PIP5K1B: variants seen among roughly 807,000 people sequenced by gnomAD.
PIP5K1B encodes the protein phosphatidylinositol-4-phosphate 5-kinase type 1 beta, also known as phosphatidylinositol 4-phosphate 5-kinase type-1 beta.
PIP5K1B carries 42 observed loss-of-function variants against 67.0 expected under a neutral mutation model. That is an observed-to-expected ratio of 0.63 (90% CI 0.49 to 0.81). The LOEUF (loss-of-function observed/expected upper bound fraction) is 0.81, where lower values mean the gene tolerates loss of function less well. PIP5K1B is among the 30% of genes least tolerant of loss of function. The pLI is 0.00. For missense variants in PIP5K1B, 459 were observed against 646.3 expected (o/e 0.71, Z 3.14); for synonymous variants, 214 against 231.4 (o/e 0.92, Z 0.68).
intron 8 of PIP5K1B, among the ~76,000 whole-genome samples, chr9:68,907,738 T>G (rs1381234651): frequency 1.3e-5 from 2 of 152,206 alleles, no homozygotes; most frequent in Admixed American, 1.3e-4. Flanking sequence ...ATTAATTACA[T>G]GTTGTTCAGC....
intron 15 of PIP5K1B, among the ~76,000 whole-genome samples, chr9:68,995,975 A>T (rs951557608): frequency 6.6e-6 from 1 of 152,216 alleles, no homozygotes; most frequent in Non-Finnish European, 1.5e-5. Context: ...GACTTCCTGT[A>T]CAGTGTTGTC....
intron 2 of PIP5K1B, among the ~76,000 whole-genome samples, chr9:68,817,971 G>A (rs74835445): frequency 0.011 from 1,703 of 152,174 alleles, 20 homozygotes; most frequent in East Asian, 0.021. Flanking sequence ...TTTCTTTGAA[G>A]TTGTGTCATC....
intron 1 of PIP5K1B, among the ~76,000 whole-genome samples, chr9:68,719,257 G>A (rs1827772540): frequency 6.6e-6 from 1 of 152,092 alleles, no homozygotes; most frequent in African/African-American, 2.4e-5. Flanking sequence ...TTTCATTTAA[G>A]TTAAACATAG....
At chr9:68,934,621 C>A (rs961935312) in intron 12 of PIP5K1B, among the ~76,000 whole-genome samples, 16 of 149,644 alleles carry the variant, frequency 1.1e-4, no homozygotes, top group Non-Finnish European at 1.8e-4. Context: ...GACTTTATTG[C>A]AAAATCTGGA....
At chr9:68,724,831 C>T (rs1463128678) in intron 1 of PIP5K1B, among the ~76,000 whole-genome samples, 2 of 152,158 alleles carry the variant, frequency 1.3e-5, no homozygotes, top group Admixed American at 6.5e-5. Flanking sequence ...AGTGGAAAGG[C>T]TTTCAATTTT....
At chr9:68,831,765 G>A (rs1178797937) in intron 4 of PIP5K1B, among the ~76,000 whole-genome samples, 1 of 151,858 alleles carries the variant, frequency 6.6e-6, no homozygotes, top group East Asian at 1.9e-4. Context: ...AACCTCCGCT[G>A]CCCGGGTTCA....
chr9:68,903,210 A>G (rs1186805404), intron 8 of PIP5K1B, among the ~76,000 whole-genome samples: 1 of 152,206 alleles, frequency 6.6e-6, no homozygotes, highest in Admixed American at 6.6e-5. Context: ...GTTCTTACAC[A>G]GCATTTCTCT....
At chr9:68,848,892 T>C (rs1355707207) in intron 4 of PIP5K1B, among the ~76,000 whole-genome samples, 1 of 152,158 alleles carries the variant, frequency 6.6e-6, no homozygotes, top group African/African-American at 2.4e-5. Flanking sequence ...AAAAAGAGAA[T>C]CTGTCTCACT....
intron 2 of PIP5K1B, among the ~76,000 whole-genome samples, chr9:68,763,309 G>A (rs535387067): frequency 1.3e-5 from 2 of 152,224 alleles, no homozygotes; most frequent in Non-Finnish European, 2.9e-5. Flanking sequence ...GTGGGCATGT[G>A]AATGAGGCAA....
intron 1 of PIP5K1B, among the ~76,000 whole-genome samples, chr9:68,732,295 T>G (rs1418846425): frequency 1.3e-5 from 2 of 152,206 alleles, no homozygotes. Flanking sequence ...AAACAAAATG[T>G]TGTCAAAAGG....
At chr9:68,910,583 A>T (rs890353418) in intron 8 of PIP5K1B, among the ~76,000 whole-genome samples, 1 of 152,232 alleles carries the variant, frequency 6.6e-6, no homozygotes, top group Admixed American at 6.5e-5. Flanking sequence ...AGCAAAATGC[A>T]CTAAGTCAAA....
chr9:68,959,537 C>T (rs1268090803), intron 14 of PIP5K1B, among the ~76,000 whole-genome samples: 2 of 152,070 alleles, frequency 1.3e-5, no homozygotes, highest in African/African-American at 4.8e-5. Context: ...ACTTGAGTTG[C>T]TATTTCCAGT....
chr9:68,971,711 A>T (rs1460832141), intron 14 of PIP5K1B, among the ~76,000 whole-genome samples: 1 of 152,188 alleles, frequency 6.6e-6, no homozygotes. Flanking sequence ...ATGGTATCTC[A>T]TTGTGGTTTT....
At chr9:68,739,088 A>G (rs1230647020) in intron 1 of PIP5K1B, among the ~76,000 whole-genome samples, 1 of 152,168 alleles carries the variant, frequency 6.6e-6, no homozygotes, top group African/African-American at 2.4e-5. Flanking sequence ...CTGTTTCTCT[A>G]GCTTCCTCCC....
At chr9:68,986,275 A>G (rs747628405) in intron 14 of PIP5K1B, among the ~76,000 whole-genome samples, 2 of 151,658 alleles carry the variant, frequency 1.3e-5, no homozygotes, top group Admixed American at 6.6e-5. Context: ...ATTTTCTATG[A>G]TAACTATCCC....
chr9:68,947,731 T>C (rs970826629), intron 14 of PIP5K1B, among the ~76,000 whole-genome samples: 5 of 152,246 alleles, frequency 3.3e-5, no homozygotes, highest in African/African-American at 9.6e-5. Flanking sequence ...AAAGTAGCCA[T>C]AAATTTTTTA....
intron 4 of PIP5K1B, among the ~76,000 whole-genome samples, chr9:68,839,552 G>A (rs1390811848): frequency 6.6e-6 from 1 of 152,158 alleles, no homozygotes; most frequent in African/African-American, 2.4e-5. Context: ...GGTTTAGGAA[G>A]ATTAATCCTC....
intron 12 of PIP5K1B, 146 bp from the exon 13 acceptor site, chr9:68,934,744 C>T: frequency 2.0e-6 from 1 of 497,582 alleles, no homozygotes; most frequent in Non-Finnish European, 3.3e-6. Context: ...GTTCATCTCC[C>T]TTTCCATATA....
At chr9:68,958,299 T>A (rs555912106) in intron 14 of PIP5K1B, among the ~76,000 whole-genome samples, 1 of 152,350 alleles carries the variant, frequency 6.6e-6, no homozygotes, top group East Asian at 1.9e-4. Flanking sequence ...GACAGGACAC[T>A]ATGGCTTTTG....
Sources: gnomAD v4.1 joint callset for allele counts (sites outside exome capture counted in the v4.1 genomes callset) on GRCh38, gnomAD v4.1.1 for gene constraint, MANE v1.5 for transcripts, NCBI Gene and HGNC (gene_info 2026-07-23, HGNC 2026-07-21) for gene names.